KIAA0319: variants seen among roughly 807,000 people sequenced by gnomAD.
The protein encoded by KIAA0319 is KIAA0319.
Under a neutral mutation model 108.4 loss-of-function variants are expected in KIAA0319, and 83 were observed. That is an observed-to-expected ratio of 0.77 (90% CI 0.64 to 0.92). The LOEUF is 0.92. KIAA0319 is among the 40% of genes least tolerant of loss of function. The pLI is 0.00. For missense variants in KIAA0319, 1,195 were observed against 1,322.4 expected, an observed-to-expected ratio of 0.90 and a Z score of 1.49; for synonymous variants, 484 against 510.4, an observed-to-expected ratio of 0.95 and a Z score of 0.70.
intron 1 of KIAA0319, among the ~76,000 whole-genome samples, chr6:24,603,434 T>C (rs1489009122): frequency 1.3e-5 from 2 of 152,238 alleles, no homozygotes; most frequent in African/African-American, 4.8e-5. Context: ...TAAGGTTTCC[T>C]AATGTGGTGT....
chr6:24,582,644 T>A (rs1766769382), intron 5 of KIAA0319, among the ~76,000 whole-genome samples: 2 of 132,708 alleles, frequency 1.5e-5, no homozygotes, highest in South Asian at 5.2e-4. Flanking sequence ...AGGAAATTTT[T>A]AAAATGTATA....
chr6:24,585,415 A>G (rs541168503), intron 4 of KIAA0319, among the ~76,000 whole-genome samples: 1 of 152,068 alleles, frequency 6.6e-6, no homozygotes, highest in African/African-American at 2.4e-5. Flanking sequence ...CTTTGCCCTA[A>G]AACAGTTTTG....
chr6:24,562,577 C>T (rs1040031906), intron 16 of KIAA0319, among the ~76,000 whole-genome samples: 5 of 152,312 alleles, frequency 3.3e-5, no homozygotes, highest in African/African-American at 1.2e-4. Context: ...TGGTTGCTCA[C>T]ACTTATAATC....
intron 1 of KIAA0319, among the ~76,000 whole-genome samples, chr6:24,642,951 G>A (rs1466652513): frequency 3.9e-5 from 6 of 152,134 alleles, no homozygotes; most frequent in Non-Finnish European, 8.8e-5. Context: ...CAGGTGATCC[G>A]TCCATTTCGG....
intron 14 of KIAA0319, among the ~76,000 whole-genome samples, chr6:24,565,802 C>T (rs186069621): frequency 4.9e-4 from 74 of 151,440 alleles, no homozygotes; most frequent in African/African-American, 1.7e-3. Flanking sequence ...TAGTTAACCT[C>T]GGCCAAGTCA....
rs371914068 is a variant in KIAA0319 at position 24,551,123 on chromosome 6, C to T, written c.3040+311G>A. On this transcript the variant is annotated intron_variant, in intron 20 of 20. Coordinates refer to ENST00000378214, the MANE Select transcript of KIAA0319 (RefSeq NM_014809.4). ...CCTCCCGAATAGCTGGGACTACAGG[C>T]GCACACCACCACGCCCGGCTAATTT... Among the ~76,000 whole-genome samples the T allele has an allele frequency of 7.3e-5, 11 of 151,644 alleles. No homozygotes were observed. In the East Asian group the frequency reaches 2.1e-3, roughly 29 times the overall value.
chr6:24,558,842 A>C (rs1369824377), intron 17 of KIAA0319, among the ~76,000 whole-genome samples, 171 bp downstream of exon 17: 1 of 152,232 alleles, frequency 6.6e-6, no homozygotes, highest in Non-Finnish European at 1.5e-5. Flanking sequence ...TCCAAGACCA[A>C]GAGTAGTTGG....
At chr6:24,630,529 A>AGG (rs1775403549) in intron 1 of KIAA0319, among the ~76,000 whole-genome samples, 1 of 142,222 alleles carries the variant, frequency 7.0e-6, no homozygotes, top group Non-Finnish European at 1.6e-5. Flanking sequence ...AAAAAAAAAA[A>AGG]AAGAAAGAAC....
At chr6:24,565,837 C>G (rs1036390279) in intron 14 of KIAA0319, among the ~76,000 whole-genome samples, 2 of 151,570 alleles carry the variant, frequency 1.3e-5, no homozygotes, top group African/African-American at 4.9e-5. Flanking sequence ...ATTTCGCCTT[C>G]TGCATCTATA....
chr6:24,631,136 C>T (rs62400556), intron 1 of KIAA0319, among the ~76,000 whole-genome samples: 3 of 152,206 alleles, frequency 2.0e-5, no homozygotes, highest in African/African-American at 7.2e-5. Context: ...AAGATGCAGC[C>T]ATAATATATT....
At chr6:24,594,642 C>CAA (rs1554164544) in intron 3 of KIAA0319, among the ~76,000 whole-genome samples, 4,303 of 54,374 alleles carry the variant, frequency 0.079, 184 homozygotes, top group African/African-American at 0.13. Flanking sequence ...AAAAAAACAA[C>CAA]AAAAAAAAAA....
chr6:24,585,060 C>T (rs752663257), intron 4 of KIAA0319, among the ~76,000 whole-genome samples: 2 of 152,202 alleles, frequency 1.3e-5, no homozygotes, highest in Non-Finnish European at 2.9e-5. Context: ...GGAAACATGA[C>T]CCTTACGTCT....
chr6:24,561,728 T>TG (rs1300925634), intron 16 of KIAA0319, among the ~76,000 whole-genome samples: 1 of 151,552 alleles, frequency 6.6e-6, no homozygotes, highest in African/African-American at 2.4e-5. Context: ...TTTTTTAAGA[T>TG]GGAGTCTCGC....
intron 1 of KIAA0319, among the ~76,000 whole-genome samples, chr6:24,616,149 T>G (rs963423100): frequency 1.3e-5 from 2 of 152,222 alleles, no homozygotes; most frequent in Non-Finnish European, 2.9e-5. Context: ...CTTGGAAATA[T>G]TGCTTAAATA....
chr6:24,558,871 A>C, intron 17 of KIAA0319, 142 bp downstream of exon 17: 1 of 808,072 alleles, frequency 1.2e-6, no homozygotes, highest in Non-Finnish European at 1.9e-6. Flanking sequence ...TGCTGCAGGA[A>C]ACTCTATTGG....
rs545432674 is a variant in KIAA0319 at position 24,545,864 on chromosome 6, A to G, written c.*1301T>C. On this transcript the variant is annotated 3_prime_UTR_variant, in exon 21 of 21. Coordinates refer to ENST00000378214, the MANE Select transcript of KIAA0319 (RefSeq NM_014809.4). ...CCCATGTGTTAAAAAAGCATTGTGCAACAGGATATTGTTTAGGTGTGCTCA... is the reference window on the plus strand; with the variant it reads ...CCCATGTGTTAAAAAAGCATTGTGCGACAGGATATTGTTTAGGTGTGCTCA... 1 of 152,366 alleles carries G rather than the reference A, an allele frequency of 6.6e-6. No individual in the cohort carries two copies. Among genetic ancestry groups the G allele is most frequent in the African/African-American group, 2.4e-5 (1 of 41,590 alleles). The allele number at this position is 152,366 out of a possible 1,614,324, so 9.4% of individuals were successfully genotyped here. A position where few individuals can be genotyped will look rare whatever the true frequency, so the allele number is the denominator to read the frequency against.
intron 1 of KIAA0319, among the ~76,000 whole-genome samples, chr6:24,628,262 C>T (rs1774995886): frequency 1.3e-5 from 2 of 152,094 alleles, no homozygotes; most frequent in African/African-American, 2.4e-5. Flanking sequence ...TTGTAATTTT[C>T]CCACCTTTTT....
intron 1 of KIAA0319, among the ~76,000 whole-genome samples, chr6:24,643,788 T>A (rs992231403): frequency 6.6e-6 from 1 of 152,248 alleles, no homozygotes; most frequent in Non-Finnish European, 1.5e-5. Context: ...TGAGCAAAGA[T>A]CTCTTAAACA....
rs1760428276 is a variant in KIAA0319 at position 24,544,753 on chromosome 6, C to G, written c.*2412G>C. On this transcript the variant is annotated 3_prime_UTR_variant, in exon 21 of 21. Coordinates refer to ENST00000378214, the MANE Select transcript of KIAA0319 (RefSeq NM_014809.4). ...AGAGCTCTTAGCGTGCTTTATCTCC[C>G]AAAGATCCTCAATGATAAGCAGTCC... The G allele has an allele frequency of 6.6e-6, 1 of 152,202 alleles. No individual in the cohort carries two copies. The highest frequency in any genetic ancestry group is 1.5e-5 in the Non-Finnish European group (1 of 68,042). The allele number at this position is 152,202 out of a possible 1,614,324, so 9.4% of individuals were successfully genotyped here.
Sources: gnomAD v4.1 joint callset for allele counts (sites outside exome capture counted in the v4.1 genomes callset) on GRCh38, gnomAD v4.1.1 for gene constraint, MANE v1.5 for transcripts, NCBI Gene and HGNC (gene_info 2026-07-23, HGNC 2026-07-21) for gene names.